The following OLFM2 variants were observed in gnomAD, a reference collection of about 807,000 sequenced individuals.
The protein encoded by OLFM2 is olfactomedin 2.
In OLFM2, 20 loss-of-function variants were observed where a neutral mutation model predicts 43.9. The ratio of observed to expected loss-of-function variants is 0.46; its 90% confidence interval spans 0.32 to 0.66. The LOEUF is 0.66. Among genes scored for constraint, OLFM2 ranks in the 30% least tolerant of loss-of-function variants. The probability of loss-of-function intolerance (pLI) is 0.04; values close to 1 mark genes in which losing one functional copy is unlikely to be tolerated. For synonymous variants in OLFM2, 268 were observed against 278.6 expected (o/e 0.96, Z 0.38); for missense variants, 416 against 643.6 (o/e 0.65, Z 3.83).
intron 1 of OLFM2, among the ~76,000 whole-genome samples, chr19:9,898,719 C>T (rs893656165): frequency 1.3e-5 from 2 of 152,082 alleles, no homozygotes; most frequent in Admixed American, 6.6e-5. Flanking sequence ...CCAGCCACCA[C>T]GCCATTTCTG....
chr19:9,867,831 T>C (rs1343570282), intron 1 of OLFM2, among the ~76,000 whole-genome samples: 1 of 151,998 alleles, frequency 6.6e-6, no homozygotes. Context: ...GCAAGGGAGG[T>C]TCATTAAGCA....
At chr19:9,907,638 G>A (rs1371814065) in intron 1 of OLFM2, among the ~76,000 whole-genome samples, 3 of 152,116 alleles carry the variant, frequency 2.0e-5, no homozygotes, top group Admixed American at 6.6e-5. Context: ...ATGGTGAGAT[G>A]GAGATAGAAT....
chr19:9,901,297 G>C (rs1416667123), intron 1 of OLFM2, among the ~76,000 whole-genome samples: 1 of 152,022 alleles, frequency 6.6e-6, no homozygotes, highest in African/African-American at 2.4e-5. Flanking sequence ...ACAGTGGCCT[G>C]TGCCTGTAAT....
At chr19:9,912,757 G>A (rs1242886506) in intron 1 of OLFM2, among the ~76,000 whole-genome samples, 1 of 151,888 alleles carries the variant, frequency 6.6e-6, no homozygotes, top group Non-Finnish European at 1.5e-5. Flanking sequence ...TGTCAGCTCC[G>A]GCCCCAGTCT....
intron 1 of OLFM2, among the ~76,000 whole-genome samples, chr19:9,914,833 T>C (rs907334150): frequency 2.0e-5 from 3 of 151,796 alleles, no homozygotes; most frequent in African/African-American, 7.3e-5. Flanking sequence ...CCTCCTGGCG[T>C]CCCCGCATCA....
At chr19:9,865,168 CT>C (rs35685928) in intron 1 of OLFM2, among the ~76,000 whole-genome samples, 68,750 of 143,732 alleles carry the variant, frequency 0.48, 16,558 homozygotes, top group Admixed American at 0.56. Flanking sequence ...TTCTTCTCCT[CT>C]TTTTTTTTTT....
rs2046325979 is a variant in OLFM2, at chr19:9,857,161, T to TA, written c.580+101dup. On this transcript the variant is annotated intron_variant, in intron 4 of 5. Coordinates refer to ENST00000264833, the MANE Select transcript of OLFM2 (RefSeq NM_058164.4). The surrounding 1 kb of genome is among the most constrained non-coding windows in gnomAD (Gnocchi z 5.7). ...AGGTCAAGGGTTGAGGTTTAAAAGT[T>TA]AGAGGTCAAAACTGTGTCCAGCTTC... The TA allele has an allele frequency of 5.1e-6, 6 of 1,178,566 alleles. No individual in the cohort carries two copies. The highest frequency in any genetic ancestry group is 1.3e-5 in the South Asian group (1 of 78,760). The allele number at this position is 1,178,566 out of a possible 1,614,324, so 73.0% of individuals were successfully genotyped here. A position where few individuals can be genotyped will look rare whatever the true frequency, so the allele number is the denominator to read the frequency against.
At chr19:9,887,003 G>A (rs918071921) in intron 1 of OLFM2, among the ~76,000 whole-genome samples, 18 of 151,834 alleles carry the variant, frequency 1.2e-4, no homozygotes, top group Non-Finnish European at 2.1e-4. Context: ...CTTGTCTGTC[G>A]CTCTCATATG....
rs1056830994 is a variant in OLFM2 at position 9,854,012 on chromosome 19, G to A, written c.*174C>T. ...CAGAGATCAATAAAGGAGAAGAGGGGAAATTGAAAAAATAGACAGAAATAC... is the reference window on the plus strand; with the variant it reads ...CAGAGATCAATAAAGGAGAAGAGGGAAAATTGAAAAAATAGACAGAAATAC... On this transcript the variant is annotated 3_prime_UTR_variant, in exon 6 of 6. Coordinates refer to ENST00000264833, the MANE Select transcript of OLFM2 (RefSeq NM_058164.4). This position sits in a 1 kb window ranked among gnomAD's most constrained non-coding sequence, Gnocchi z 9.5. 3.3e-6 allele frequency: 2 copies of A among 603,274 alleles called. No homozygotes were observed. The highest frequency in any genetic ancestry group is 2.0e-5 in the South Asian group (1 of 49,692). 37.4% of individuals were successfully genotyped at this position (603,274 alleles called of 1,614,324 possible).
intron 1 of OLFM2, among the ~76,000 whole-genome samples, chr19:9,862,516 T>TA (rs61144282): frequency 1.4e-3 from 187 of 137,366 alleles, no homozygotes; most frequent in Middle Eastern, 3.8e-3. Context: ...TACTAAAAAT[T>TA]AAAAAAAAAA....
At chr19:9,893,243 C>A (rs1313922466) in intron 1 of OLFM2, among the ~76,000 whole-genome samples, 1 of 151,960 alleles carries the variant, frequency 6.6e-6, no homozygotes, top group Non-Finnish European at 1.5e-5. Flanking sequence ...CAGCTCACTG[C>A]AGCCTCCACC....
At chr19:9,861,727 G>T (rs755321125) in intron 1 of OLFM2, among the ~76,000 whole-genome samples, 2 of 152,182 alleles carry the variant, frequency 1.3e-5, no homozygotes, top group Non-Finnish European at 2.9e-5. Context: ...ATGCAAATAA[G>T]TACCAGGGAA....
intron 1 of OLFM2, among the ~76,000 whole-genome samples, chr19:9,925,413 C>A (rs1019424894): frequency 6.6e-6 from 1 of 152,052 alleles, no homozygotes; most frequent in Admixed American, 6.6e-5. Flanking sequence ...AAAACATTAT[C>A]GTAGTTCTTC....
At position 9,881,501 on chromosome 19, in the gene OLFM2, C is replaced by G. The variant is rs146185943; in HGVS notation, c.64-20707G>C. ...AGCATAAGCAACAAAAATGCATTGT[C>G]TCACAGTTCTGGAGGCCGGAAGTCA... On this transcript the variant is annotated intron_variant, in intron 1 of 5. Transcript: ENST00000264833. Among the ~76,000 whole-genome samples, 820 of 152,122 alleles carry G rather than the reference C, an allele frequency of 5.4e-3. 4 individuals carry two copies. Among genetic ancestry groups the G allele is most frequent in the African/African-American group, 0.019 (777 of 41,498 alleles).
At chr19:9,874,196 T>C (rs1212496863) in intron 1 of OLFM2, among the ~76,000 whole-genome samples, 2 of 152,186 alleles carry the variant, frequency 1.3e-5, no homozygotes, top group African/African-American at 4.8e-5. Context: ...TAATGCAGGA[T>C]CCCACGTTAC....
chr19:9,866,372 C>G (rs1488272357), intron 1 of OLFM2, among the ~76,000 whole-genome samples: 1 of 152,092 alleles, frequency 6.6e-6, no homozygotes, highest in East Asian at 1.9e-4. Flanking sequence ...CAGAGAGTGT[C>G]CTACTCTAGG....
At chr19:9,898,494 C>G (rs936626072) in intron 1 of OLFM2, among the ~76,000 whole-genome samples, 38 of 151,560 alleles carry the variant, frequency 2.5e-4, no homozygotes, top group Admixed American at 1.6e-3. Flanking sequence ...TGCACTCCAG[C>G]CTGAGCAACA....
At chr19:9,921,932 A>G (rs2086424104) in intron 1 of OLFM2, among the ~76,000 whole-genome samples, 1 of 152,138 alleles carries the variant, frequency 6.6e-6, no homozygotes, top group African/African-American at 2.4e-5. Context: ...CATCTCTAAA[A>G]AAACTACAAA....
intron 1 of OLFM2, among the ~76,000 whole-genome samples, chr19:9,904,603 G>A (rs554652568): frequency 1.3e-5 from 2 of 152,128 alleles, no homozygotes; most frequent in East Asian, 3.9e-4. Flanking sequence ...GCAAGCAGAA[G>A]TGGGGTTGAG....
Sources: gnomAD v4.1 joint callset for allele counts (sites outside exome capture counted in the v4.1 genomes callset) on GRCh38, gnomAD v4.1.1 for gene constraint, Gnocchi (gnomAD v3.1) non-coding constraint, MANE v1.5 for transcripts, NCBI Gene and HGNC (gene_info 2026-07-23, HGNC 2026-07-21) for gene names.